The following ATG10 variants were observed in gnomAD, a reference collection of about 807,000 sequenced individuals.
ATG10 encodes the protein autophagy related 10, also known as ubiquitin-like-conjugating enzyme ATG10.
Under a neutral mutation model 32.1 loss-of-function variants are expected in ATG10, and 30 were observed. The ratio of observed to expected loss-of-function variants is 0.94; its 90% CI spans 0.70 to 1.27. The LOEUF (loss-of-function observed/expected upper bound fraction) is 1.27, where lower values mean the gene tolerates loss of function less well. Among genes scored for constraint, ATG10 ranks in the 50% most tolerant of loss-of-function variants. The pLI, the probability that ATG10 is intolerant of heterozygous loss-of-function variation, is 0.00. For synonymous variants in ATG10, 87 were observed against 91.5 expected (o/e 0.95, Z 0.28); for missense variants, 233 against 262.3 (o/e 0.89, Z 0.77).
At chr5:82,177,616 T>G (rs1025552634) in intron 4 of ATG10, among the ~76,000 whole-genome samples, 2 of 152,128 alleles carry the variant, frequency 1.3e-5, no homozygotes. Flanking sequence ...AATCTTTAGG[T>G]GACTTCTTCT....
chr5:82,167,193 G>GTCATA (rs1743617642), intron 4 of ATG10, among the ~76,000 whole-genome samples: 1 of 152,046 alleles, frequency 6.6e-6, no homozygotes, highest in African/African-American at 2.4e-5. Context: ...GTCATGTCAT[G>GTCATA]TCATATCATA....
chr5:81,993,360 C>CTTTCCTTCTTTCTTTCTT, intron 2 of ATG10, among the ~76,000 whole-genome samples: 51 of 46,796 alleles, frequency 1.1e-3, no homozygotes, highest in Non-Finnish European at 9.7e-4. Flanking sequence ...TCTTTCTTTC[C>CTTTCCTTCTTTCTTTCTT]TTCTTTTCTT....
At chr5:82,017,338 T>C (rs1762317172) in intron 2 of ATG10, among the ~76,000 whole-genome samples, 1 of 152,148 alleles carries the variant, frequency 6.6e-6, no homozygotes, top group Admixed American at 6.6e-5. Flanking sequence ...TATACGATAA[T>C]GTCCTTAGCA....
intron 2 of ATG10, among the ~76,000 whole-genome samples, chr5:82,033,278 A>G (rs1218133178): frequency 2.6e-5 from 4 of 151,928 alleles, no homozygotes; most frequent in African/African-American, 9.7e-5. Context: ...TTGCTGAATG[A>G]TAGTTTACAT....
intron 4 of ATG10, among the ~76,000 whole-genome samples, chr5:82,176,459 T>A (rs529369572): frequency 6.6e-6 from 1 of 152,210 alleles, no homozygotes; most frequent in Non-Finnish European, 1.5e-5. Context: ...ACTTCTAACT[T>A]TGACGTGTAA....
intron 2 of ATG10, among the ~76,000 whole-genome samples, chr5:82,054,714 A>G (rs776402313): frequency 6.6e-6 from 1 of 152,162 alleles, no homozygotes; most frequent in Non-Finnish European, 1.5e-5. Flanking sequence ...AAATCCTCTC[A>G]TGCTTGTCCA....
chr5:82,199,416 A>T (rs576144863), intron 5 of ATG10, among the ~76,000 whole-genome samples: 53 of 152,344 alleles, frequency 3.5e-4, no homozygotes, highest in African/African-American at 1.3e-3. Context: ...CTTGACAGCT[A>T]ACTAGACTTG....
At position 82,118,387 on chromosome 5, in the gene ATG10, C is replaced by CATATATATATATATATAT. The variant is rs71605823; in HGVS notation, c.217-46011_217-45994dup. Among the ~76,000 whole-genome samples, 550 of 80,668 alleles carry CATATATATATATATATAT rather than the reference C, an allele frequency of 6.8e-3. 37 individuals are homozygous for CATATATATATATATATAT. Among genetic ancestry groups the CATATATATATATATATAT allele is most frequent in the African/African-American group, 0.018 (336 of 18,202 alleles). The allele number at this position is 80,668 out of a possible 152,430, so 52.9% of individuals were successfully genotyped here. On this transcript the variant is annotated intron_variant, in intron 3 of 7. Transcript: ENST00000282185. The stretch of plus-strand genomic sequence containing the variant: ...TACAAATATACATATAATATATGTA[C>CATATATATATATATATAT]ATATATATATATATATATGTATGTA...
In ATG10 at chr5:82,010,082, G is replaced by T; in HGVS notation, c.108+22404G>T. 2.5e-6 allele frequency: 4 copies of T among 1,608,616 alleles called. No homozygotes were observed. The South Asian group carries it at 4.4e-5, about 18-fold the overall frequency. ...CGACGGCAATGTCGAAGAACACGGT[G>T]GGGTTGACCATGGCTAATAGTACAC... On this transcript the variant is annotated intron_variant, in intron 2 of 7. Coordinates refer to ENST00000282185, the MANE Select transcript of ATG10 (RefSeq NM_031482.5).
intron 2 of ATG10, among the ~76,000 whole-genome samples, chr5:82,021,301 G>A (rs1301201855): frequency 2.6e-5 from 4 of 152,152 alleles, no homozygotes; most frequent in Non-Finnish European, 5.9e-5. Flanking sequence ...GGGTGAAAGA[G>A]GGGCTGCTGA....
At chr5:82,073,794 C>T (rs1581660842) in intron 3 of ATG10, 2 of 152,262 alleles carry the variant, frequency 1.3e-5, no homozygotes, top group South Asian at 4.1e-4. Context: ...CATTACAATC[C>T]CTACCTCGCA....
At chr5:82,193,777 TA>T (rs1744750306) in intron 5 of ATG10, among the ~76,000 whole-genome samples, 1 of 152,196 alleles carries the variant, frequency 6.6e-6, no homozygotes. Flanking sequence ...ATTTTTTACA[TA>T]AAAAAATTAA....
At chr5:82,033,224 A>G (rs1442609364) in intron 2 of ATG10, among the ~76,000 whole-genome samples, 1 of 152,140 alleles carries the variant, frequency 6.6e-6, no homozygotes, top group Non-Finnish European at 1.5e-5. Flanking sequence ...CAATTTTTAT[A>G]TGTACATATA....
chr5:82,231,057 C>T (rs549836659), intron 5 of ATG10, among the ~76,000 whole-genome samples: 62 of 152,230 alleles, frequency 4.1e-4, no homozygotes, highest in Non-Finnish European at 8.2e-4. Flanking sequence ...TGTTGCTGGC[C>T]TGAAGAGCCA....
intron 5 of ATG10, among the ~76,000 whole-genome samples, chr5:82,241,708 C>T (rs1374917812): frequency 6.6e-6 from 1 of 152,082 alleles, no homozygotes; most frequent in African/African-American, 2.4e-5. Flanking sequence ...CAACTGTTAC[C>T]TCTGCAATTA....
intron 2 of ATG10, among the ~76,000 whole-genome samples, chr5:82,055,827 G>A (rs1763575808): frequency 1.3e-5 from 2 of 152,090 alleles, no homozygotes; most frequent in Admixed American, 6.6e-5. Flanking sequence ...CTGTATTTTT[G>A]CTGTACATTT....
At chr5:82,114,411 A>G (rs754984216) in intron 3 of ATG10, among the ~76,000 whole-genome samples, 2 of 152,048 alleles carry the variant, frequency 1.3e-5, no homozygotes, top group Non-Finnish European at 2.9e-5. Flanking sequence ...TTTTATGCAC[A>G]TAGAAATTAT....
At chr5:82,122,681 G>A (rs113136234) in intron 3 of ATG10, among the ~76,000 whole-genome samples, 9,548 of 152,026 alleles carry the variant, frequency 0.063, 379 homozygotes, top group Non-Finnish European at 0.09. Flanking sequence ...AAACAATCCC[G>A]TTAAAAAGTG....
chr5:82,161,041 G>C (rs992683259), intron 3 of ATG10, among the ~76,000 whole-genome samples: 1 of 152,136 alleles, frequency 6.6e-6, no homozygotes, highest in Non-Finnish European at 1.5e-5. Flanking sequence ...AAAACCATCT[G>C]GCACTTTTAA....
Sources: allele counts gnomAD v4.1 joint callset (sites outside exome capture counted in the v4.1 genomes callset), GRCh38; gene constraint gnomAD v4.1.1; transcripts MANE v1.5; gene names NCBI Gene and HGNC (gene_info 2026-07-23, HGNC 2026-07-21).